Variants in MAP6 observed in about 807,000 individuals in gnomAD.
MAP6 encodes microtubule-associated protein 6.
A neutral mutation model predicts 42.4 loss-of-function variants in MAP6; 26 were observed. The ratio of observed to expected loss-of-function variants is 0.61; its 90% confidence interval spans 0.45 to 0.85. The LOEUF (loss-of-function observed/expected upper bound fraction) is 0.85. Among genes scored for constraint, MAP6 ranks in the 40% least tolerant of loss-of-function variants. MAP6 has a pLI of 0.00. For missense variants in MAP6, 966 were observed against 1,099.0 expected (o/e 0.88, Z 1.71); for synonymous variants, 418 against 443.8 (o/e 0.94, Z 0.73).
intron 3 of MAP6, among the ~76,000 whole-genome samples, chr11:75,592,389 G>A (rs1359390513): frequency 6.6e-6 from 1 of 152,184 alleles, no homozygotes; most frequent in African/African-American, 2.4e-5. Context: ...AGGCAAAATG[G>A]AAAGATTTAA....
chr11:75,664,604 T>C (rs1459515680), intron 1 of MAP6, among the ~76,000 whole-genome samples: 5 of 152,232 alleles, frequency 3.3e-5, no homozygotes, highest in Non-Finnish European at 7.3e-5. Context: ...AATCAAATTA[T>C]CATTGAAGTG....
chr11:75,603,899 G>A, intron 3 of MAP6: 2 of 985,448 alleles, frequency 2.0e-6, no homozygotes, highest in Non-Finnish European at 2.4e-6. Context: ...TCTGACTAAT[G>A]CCAAATCTTG....
chr11:75,624,083 G>A (rs933106034), intron 1 of MAP6, among the ~76,000 whole-genome samples: 4 of 152,088 alleles, frequency 2.6e-5, no homozygotes, highest in Admixed American at 2.0e-4. Flanking sequence ...CTCTGGCTTC[G>A]ATATCTCTCT....
intron 1 of MAP6, among the ~76,000 whole-genome samples, chr11:75,615,686 C>T (rs74526273): frequency 6.7e-4 from 102 of 152,290 alleles, no homozygotes; most frequent in African/African-American, 2.4e-3. Context: ...CAGCTTCCAG[C>T]GCCAGGCTTC....
At chr11:75,592,276 A>C (rs1845749734) in intron 3 of MAP6, among the ~76,000 whole-genome samples, 1 of 151,996 alleles carries the variant, frequency 6.6e-6, no homozygotes, top group African/African-American at 2.4e-5. Context: ...ACATATCCCC[A>C]CTGCAGGCCA....
At chr11:75,656,739 A>G (rs1043165259) in intron 1 of MAP6, among the ~76,000 whole-genome samples, 3 of 151,660 alleles carry the variant, frequency 2.0e-5, no homozygotes, top group African/African-American at 7.3e-5. Context: ...TTTCTGTTCT[A>G]CCCTTTCTCC....
chr11:75,601,787 T>C (rs953383199), intron 3 of MAP6, among the ~76,000 whole-genome samples: 1 of 151,126 alleles, frequency 6.6e-6, no homozygotes, highest in Admixed American at 6.6e-5. Context: ...CCAAGGGAGC[T>C]ACCCCCCCAG....
chr11:75,642,513 T>C (rs967594355), intron 1 of MAP6: 6 of 154,150 alleles, frequency 3.9e-5, no homozygotes, highest in Non-Finnish European at 8.7e-5. Flanking sequence ...AACTTCATTG[T>C]TTCTCTCTTA....
At chr11:75,652,503 C>T (rs2135680310) in intron 1 of MAP6, among the ~76,000 whole-genome samples, 1 of 152,274 alleles carries the variant, frequency 6.6e-6, no homozygotes, top group South Asian at 2.1e-4. Flanking sequence ...TCTTCTCTGA[C>T]TTTTCAAGTT....
At chr11:75,626,841 C>A (rs1394120158) in intron 1 of MAP6, among the ~76,000 whole-genome samples, 1 of 152,110 alleles carries the variant, frequency 6.6e-6, no homozygotes, top group Non-Finnish European at 1.5e-5. Flanking sequence ...AAGGAGCCCA[C>A]AATCTAGTGA....
intron 1 of MAP6, among the ~76,000 whole-genome samples, chr11:75,662,947 C>T (rs976394757): frequency 1.3e-5 from 2 of 150,178 alleles, no homozygotes; most frequent in Non-Finnish European, 3.0e-5. Context: ...TAGTGCTAAC[C>T]TGGTAGGATT....
Position 75,607,989 on chromosome 11 carries a change from G to A in MAP6, c.1119+120C>T, listed in dbSNP as rs1942811112. Reference sequence around the variant, plus strand: ...TCTCAGTGTGCTTTAGAGGAAGCAGGGATTTTAAAGGTGCCCGTGGAGGCT... The same window carrying A: ...TCTCAGTGTGCTTTAGAGGAAGCAGAGATTTTAAAGGTGCCCGTGGAGGCT... On this transcript the variant is annotated intron_variant, in intron 2 of 3. Transcript: ENST00000304771. The A allele has an allele frequency of 3.4e-5, 30 of 882,916 alleles. No homozygotes were observed. The South Asian group carries it at 5.0e-4, about 15-fold the overall frequency. 54.7% of individuals were successfully genotyped at this position (882,916 alleles called of 1,614,324 possible). A position where few individuals can be genotyped will look rare whatever the true frequency, so the allele number is the denominator to read the frequency against.
chr11:75,664,839 C>T (rs959469532), intron 1 of MAP6, among the ~76,000 whole-genome samples: 2 of 151,978 alleles, frequency 1.3e-5, no homozygotes, highest in African/African-American at 4.8e-5. Flanking sequence ...TTTATATCTA[C>T]TTTCAATCAA....
intron 1 of MAP6, among the ~76,000 whole-genome samples, chr11:75,624,818 A>G (rs1445238748): frequency 6.6e-6 from 1 of 152,204 alleles, no homozygotes; most frequent in African/African-American, 2.4e-5. Context: ...CCAATGGACA[A>G]CAAGTGCCTA....
chr11:75,592,013 T>A (rs1322227867), intron 3 of MAP6, among the ~76,000 whole-genome samples: 2 of 152,264 alleles, frequency 1.3e-5, no homozygotes, highest in Non-Finnish European at 2.9e-5. Flanking sequence ...TTGCCTTATG[T>A]CATTCAACCC....
intron 1 of MAP6, among the ~76,000 whole-genome samples, chr11:75,664,524 G>C (rs1943913294): frequency 6.6e-6 from 1 of 152,230 alleles, no homozygotes; most frequent in Non-Finnish European, 1.5e-5. Flanking sequence ...TAAAGTCCAT[G>C]AGACGAACCA....
chr11:75,663,943 C>G (rs1190808876), intron 1 of MAP6, among the ~76,000 whole-genome samples: 1 of 152,230 alleles, frequency 6.6e-6, no homozygotes. Context: ...GGTGCCTCAG[C>G]TGGTTTCTTC....
intron 1 of MAP6, among the ~76,000 whole-genome samples, chr11:75,635,442 G>A (rs376820005): frequency 1.3e-5 from 2 of 152,322 alleles, no homozygotes; most frequent in African/African-American, 4.8e-5. Context: ...CAGGCCAGGC[G>A]GCGTCTCGCT....
chr11:75,606,052 C>T (rs531345764), intron 2 of MAP6, 48 bp from the exon 3 acceptor site: 7 of 1,597,158 alleles, frequency 4.4e-6, no homozygotes, highest in African/African-American at 4.0e-5. Context: ...AAAGGTGGGG[C>T]GTGGGAAGGA....
Sources: allele counts gnomAD v4.1 joint callset (sites outside exome capture counted in the v4.1 genomes callset), GRCh38; gene constraint gnomAD v4.1.1; transcripts MANE v1.5; gene names NCBI Gene and HGNC (gene_info 2026-07-23, HGNC 2026-07-21).